The following SLC30A8 variants were observed in gnomAD, a reference collection of about 807,000 sequenced individuals.
SLC30A8 encodes proton-coupled zinc antiporter SLC30A8.
SLC30A8 carries 27 observed loss-of-function variants against 36.9 expected under a neutral mutation model. That is an observed-to-expected ratio of 0.73 (90% CI 0.54 to 1.01). SLC30A8 has a LOEUF of 1.01. SLC30A8 is among the 50% of genes least tolerant of loss of function. The pLI is 0.00. For synonymous variants in SLC30A8, 164 were observed against 172.4 expected, an observed-to-expected ratio of 0.95 and a Z score of 0.38; for missense variants, 439 against 452.0, an observed-to-expected ratio of 0.97 and a Z score of 0.26.
chr8:117,043,807 A>T (rs1274859232), intron 2 of SLC30A8, among the ~76,000 whole-genome samples: 1 of 152,216 alleles, frequency 6.6e-6, no homozygotes, highest in East Asian at 1.9e-4. Flanking sequence ...ACCTCAAAAA[A>T]CAGTAGGTAG....
chr8:117,106,321 A>G (rs1302281679), intron 2 of SLC30A8, among the ~76,000 whole-genome samples: 2 of 152,206 alleles, frequency 1.3e-5, no homozygotes, highest in Non-Finnish European at 2.9e-5. Flanking sequence ...ACACTACTGT[A>G]TTGGGAAATA....
chr8:117,047,021 G>A (rs1486276542), intron 2 of SLC30A8, among the ~76,000 whole-genome samples: 1 of 152,154 alleles, frequency 6.6e-6, no homozygotes. Context: ...ATTGGTCCAT[G>A]GATTGCCTGC....
intron 3 of SLC30A8, among the ~76,000 whole-genome samples, 196 bp downstream of exon 3, chr8:117,153,286 T>G (rs1822288165): frequency 6.6e-6 from 1 of 152,246 alleles, no homozygotes; most frequent in African/African-American, 2.4e-5. Context: ...TTAATGGTGC[T>G]ATCTCTAGTC....
chr8:116,973,110 C>A (rs529008799), intron 1 of SLC30A8, among the ~76,000 whole-genome samples: 1 of 152,190 alleles, frequency 6.6e-6, no homozygotes, highest in African/African-American at 2.4e-5. Context: ...GAGGACACAA[C>A]AAGAAGATGC....
chr8:117,077,448 T>G (rs1818525429), intron 2 of SLC30A8, among the ~76,000 whole-genome samples: 1 of 152,238 alleles, frequency 6.6e-6, no homozygotes, highest in Non-Finnish European at 1.5e-5. Context: ...TTGATGTCTG[T>G]GCTATTGGCA....
At chr8:117,001,204 CTTTTTTT>C (rs34639384) in intron 1 of SLC30A8, among the ~76,000 whole-genome samples, 8 of 78,306 alleles carry the variant, frequency 1.0e-4, no homozygotes, top group Admixed American at 3.4e-4. Context: ...TTGCTAGGGG[CTTTTTTT>C]TTTTTTTTTT....
intron 2 of SLC30A8, among the ~76,000 whole-genome samples, chr8:117,045,281 T>C (rs1817514975): frequency 6.6e-6 from 1 of 152,170 alleles, no homozygotes; most frequent in Non-Finnish European, 1.5e-5. Context: ...CTCTATAACA[T>C]CAGGGAAGAA....
chr8:117,150,527 T>A (rs116144465), intron 2 of SLC30A8, among the ~76,000 whole-genome samples: 3,661 of 152,350 alleles, frequency 0.024, 107 homozygotes, highest in African/African-American at 0.065. Flanking sequence ...TCTTGTCAAG[T>A]ATTCCAGAAA....
At chr8:116,958,973 C>T (rs1814318436) in intron 1 of SLC30A8, among the ~76,000 whole-genome samples, 1 of 150,934 alleles carries the variant, frequency 6.6e-6, no homozygotes, top group Non-Finnish European at 1.5e-5. Context: ...CCTCAGCCTC[C>T]CGAGTAGCTG....
intron 1 of SLC30A8, among the ~76,000 whole-genome samples, chr8:117,024,480 A>T (rs1816809151): frequency 6.6e-6 from 1 of 152,130 alleles, no homozygotes; most frequent in South Asian, 2.1e-4. Context: ...CATTGCATTT[A>T]ACCTGCATCT....
intron 2 of SLC30A8, among the ~76,000 whole-genome samples, chr8:117,073,405 C>T (rs1026368106): frequency 2.0e-4 from 31 of 152,042 alleles, no homozygotes; most frequent in Admixed American, 8.5e-4. Context: ...AGGCATGTGC[C>T]ATCATGCCCA....
intron 1 of SLC30A8, among the ~76,000 whole-genome samples, chr8:117,033,763 C>G (rs76676450): frequency 0.015 from 2,307 of 152,194 alleles, 97 homozygotes; most frequent in Admixed American, 0.098. Flanking sequence ...GAGGTCAGAA[C>G]CAAGCAATGA....
At chr8:117,134,968 C>T (rs985240376), upstream of SLC30A8, 1 of 172,960 alleles carries the variant, frequency 5.8e-6, no homozygotes, top group African/African-American at 2.4e-5. Flanking sequence ...CTCCGAAGGT[C>T]AAAACCCTAC....
At chr8:117,011,399 G>A (rs1816341027) in intron 1 of SLC30A8, among the ~76,000 whole-genome samples, 1 of 152,216 alleles carries the variant, frequency 6.6e-6, no homozygotes, top group African/African-American at 2.4e-5. Context: ...TTATTGCGAA[G>A]TTCCTTGAAA....
chr8:117,036,754 C>A (rs545985158), intron 1 of SLC30A8, among the ~76,000 whole-genome samples: 1 of 152,290 alleles, frequency 6.6e-6, no homozygotes, highest in African/African-American at 2.4e-5. Flanking sequence ...CCTCTCTTGA[C>A]ATGTGGGTAT....
chr8:117,102,615 G>C (rs1024691912), intron 2 of SLC30A8, among the ~76,000 whole-genome samples: 4 of 152,112 alleles, frequency 2.6e-5, no homozygotes, highest in Admixed American at 6.6e-5. Flanking sequence ...CACTCCAAAG[G>C]CTCTAGGGAA....
intron 2 of SLC30A8, among the ~76,000 whole-genome samples, chr8:117,071,637 G>A (rs1376092173): frequency 6.6e-6 from 1 of 151,958 alleles, no homozygotes; most frequent in Non-Finnish European, 1.5e-5. Context: ...CCCATGCCAT[G>A]GAGCTTTTCT....
At chr8:117,140,330 C>T (rs1040372419) in intron 1 of SLC30A8, among the ~76,000 whole-genome samples, 1 of 151,988 alleles carries the variant, frequency 6.6e-6, no homozygotes, top group Non-Finnish European at 1.5e-5. Context: ...AGCAGAAAAA[C>T]AGTCAAAGAA....
In SLC30A8 at chr8:117,064,760, A is replaced by T. The variant is rs574230772; in HGVS notation, c.-226+25502A>T. On this transcript the variant is annotated intron_variant, in intron 2 of 10. Coordinates refer to the SLC30A8 transcript ENST00000427715. ...TTTCTCTGCGCCAGGAGGCTATGTA[A>T]GCCCTCCTTCCCCAGCCCCTCCTCA... Among the ~76,000 whole-genome samples the T allele has an allele frequency of 1.1e-4, 16 of 152,324 alleles. No homozygotes were observed. The South Asian group carries it at 3.3e-3, about 32-fold the overall frequency.
Sources: gnomAD v4.1 joint callset for allele counts (sites outside exome capture counted in the v4.1 genomes callset) on GRCh38, gnomAD v4.1.1 for gene constraint, MANE v1.5 for transcripts, NCBI Gene and HGNC (gene_info 2026-07-23, HGNC 2026-07-21) for gene names.